Variants in BABAM1 observed in about 807,000 individuals in gnomAD.
The protein encoded by BABAM1 is BRISC and BRCA1-A complex member 1.
A neutral mutation model predicts 34.4 loss-of-function variants in BABAM1; 14 were observed. The observed-to-expected ratio is 0.41, with a 90% CI of 0.27 to 0.64. BABAM1 has a LOEUF of 0.64. Among genes scored for constraint, BABAM1 ranks in the 30% least tolerant of loss-of-function variants. The probability of loss-of-function intolerance (pLI) is 0.34; values close to 1 mark genes in which losing one functional copy is unlikely to be tolerated. For missense variants in BABAM1, 393 were observed against 434.0 expected (o/e 0.91, Z 0.84); for synonymous variants, 169 against 165.8 (o/e 1.02, Z -0.15).
chr19:17,279,135 G>A lies in BABAM1; in HGVS notation c.*87G>A, dbSNP rs540433739. ...TCAAACTGGGTTCCTTGGGACCTCC[G>A]GGGTGGGGGGGTTCCAGGAGGCACG... On this transcript the variant is annotated 3_prime_UTR_variant, in exon 9 of 9. Transcript: ENST00000598188. 6.1e-5 allele frequency: 86 copies of A among 1,399,634 alleles called. No homozygotes were observed. Among genetic ancestry groups the A allele is most frequent in the East Asian group, 1.3e-4 (5 of 39,926 alleles). The allele number at this position is 1,399,634 out of a possible 1,614,324, so 86.7% of individuals were successfully genotyped here.
chr19:17,270,611 C>T (rs1028241276), intron 2 of BABAM1, among the ~76,000 whole-genome samples: 33 of 150,544 alleles, frequency 2.2e-4, no homozygotes, highest in African/African-American at 7.6e-4. Context: ...CTGCAACCTC[C>T]GGCTCCCTGG....
chr19:17,272,043 C>A (rs1021520357), intron 3 of BABAM1, among the ~76,000 whole-genome samples: 4 of 152,154 alleles, frequency 2.6e-5, no homozygotes, highest in African/African-American at 9.7e-5. Context: ...TGGGTTCAAG[C>A]CATTCTTGTG....
At chr19:17,272,022 C>A (rs889576830) in intron 3 of BABAM1, among the ~76,000 whole-genome samples, 10 of 152,118 alleles carry the variant, frequency 6.6e-5, no homozygotes, top group African/African-American at 2.4e-4. Context: ...CTCACTGCAA[C>A]CCCTGCCTCC....
chr19:17,273,923 A>G lies in BABAM1; in HGVS notation c.364A>G (p.Asn122Asp). 1.2e-6 allele frequency: 2 copies of G among 1,613,034 alleles called. No individual in the cohort carries two copies. Among genetic ancestry groups the G allele is most frequent in the Non-Finnish European group, 1.7e-6 (2 of 1,179,574 alleles). ...SFNGSKTNALNVSQKMIEMFV... is the reference protein window; with the variant it reads ...SFNGSKTNALDVSQKMIEMFV... ...CCCCAGCTCCAAAACCAACGCCCTC[A>G]ATGTCTCCCAGAAGATGATTGAGAT... The change falls in exon 4 of 9, where the codon AAT becomes GAT. Residue 122 changes from asparagine (N) to aspartate (D), a missense_variant. Asn to Asp is a conservative substitution (Grantham distance 23). Transcript: ENST00000598188.
intron 8 of BABAM1, among the ~76,000 whole-genome samples, chr19:17,277,810 T>TG (rs1053953610): frequency 2.0e-5 from 3 of 151,362 alleles, no homozygotes; most frequent in African/African-American, 7.3e-5. Flanking sequence ...GCTCGAAAGG[T>TG]GGAGATTGTA....
chr19:17,271,777 C>G, intron 3 of BABAM1, 122 bp downstream of exon 3: 1 of 1,122,092 alleles, frequency 8.9e-7, no homozygotes, highest in Non-Finnish European at 1.3e-6. Flanking sequence ...TTGGCAGTAT[C>G]AGAGATTAGC....
intron 5 of BABAM1, among the ~76,000 whole-genome samples, chr19:17,274,866 C>T (rs1014483200): frequency 3.4e-5 from 2 of 59,406 alleles, no homozygotes; most frequent in African/African-American, 1.4e-4. Flanking sequence ...ACACCCCTGG[C>T]TCTTTTCATT....
intron 1 of BABAM1, among the ~76,000 whole-genome samples, chr19:17,268,291 A>G (rs2073792724): frequency 6.6e-6 from 1 of 151,806 alleles, no homozygotes; most frequent in Non-Finnish European, 1.5e-5. Context: ...GGGGACTGTT[A>G]TCTTATGTCG....
At position 17,269,146 on chromosome 19, in the gene BABAM1, T is replaced by A. The variant is rs1205203122; in HGVS notation, c.285+55T>A. 4 of 1,486,120 alleles carry A rather than the reference T, an allele frequency of 2.7e-6. No homozygotes were observed. In the East Asian group the frequency reaches 9.4e-5, roughly 35 times the overall value. 92.1% of individuals were successfully genotyped at this position (1,486,120 alleles called of 1,614,324 possible). On this transcript the variant is annotated intron_variant, in intron 2 of 8. Coordinates refer to ENST00000598188, the MANE Select transcript of BABAM1 (RefSeq NM_014173.4). ...AGATGCTAGGGAACCTAGCATCTTG[T>A]CTTTTGGGATTAACACTGCAAACAT...
In BABAM1 at chr19:17,276,489, A is replaced by G. The variant is rs1473132903; in HGVS notation, c.570-6A>G. 6.3e-7 allele frequency: 1 copy of G among 1,590,078 alleles called. No homozygotes were observed. The highest frequency in any genetic ancestry group is 8.6e-7 in the Non-Finnish European group (1 of 1,169,060). ...CTCTGACTGCTCCCTCCTCCCGGGT[A>G]TGCAGCCAGCAGAAAACTGAGCTTC... On this transcript the variant is annotated splice_region_variant and splice_polypyrimidine_tract_variant and intron_variant, in intron 6 of 8. Coordinates refer to ENST00000598188, the MANE Select transcript of BABAM1 (RefSeq NM_014173.4).
intron 7 of BABAM1, 28 bp downstream of exon 7, chr19:17,276,652 T>C: frequency 6.3e-7 from 1 of 1,587,634 alleles, no homozygotes; most frequent in Admixed American, 1.8e-5. Flanking sequence ...GAGGGAGGGG[T>C]GCCTGCAGCC....
intron 3 of BABAM1, among the ~76,000 whole-genome samples, chr19:17,272,643 T>G (rs1048083447): frequency 4.6e-5 from 7 of 151,568 alleles, no homozygotes; most frequent in African/African-American, 1.7e-4. Flanking sequence ...CCTGACCTCA[T>G]GATCCGCCTG....
intron 2 of BABAM1, among the ~76,000 whole-genome samples, chr19:17,270,548 A>T: frequency 7.8e-6 from 1 of 127,412 alleles, no homozygotes; most frequent in Admixed American, 8.3e-5. Context: ...TTTTTTTGAG[A>T]CGGAGTCCCG....
In BABAM1 at chr19:17,274,119, A is replaced by G; in HGVS notation, c.478A>G (p.Thr160Ala). ...TGCTTCCCTGCAGCTGTCTGGCCTG[A>G]CCTCCGACCCCCGCGAGCTCTGTAG... ...NDDTAWLSGL[T>A]SDPRELCSCL... Residue 160 changes from threonine (T) to alanine (A), a missense_variant, in exon 5 of 9, where the codon ACC becomes GCC. Physicochemically the swap from Thr to Ala is moderately conservative, Grantham distance 58 (BLOSUM62 0). Coordinates refer to ENST00000598188, the MANE Select transcript of BABAM1 (RefSeq NM_014173.4). 3 of 1,613,300 alleles carry G rather than the reference A, an allele frequency of 1.9e-6. No individual in the cohort carries two copies. In the South Asian group the frequency reaches 3.3e-5, roughly 18 times the overall value.
Position 17,276,575 on chromosome 19 carries a change from A to G in BABAM1, c.650A>G (p.Tyr217Cys). ...TATGTGGTCCGCACCATCCTTGTCTACAGCCGTCCACCTTGCCAGCCCCAG... is the reference window on the plus strand; with the variant it reads ...TATGTGGTCCGCACCATCCTTGTCTGCAGCCGTCCACCTTGCCAGCCCCAG... ...PPYVVRTILV[Y>C]SRPPCQPQFS... Residue 217 changes from tyrosine (Y) to cysteine (C), a missense_variant, in exon 7 of 9, where the codon TAC becomes TGC. By Grantham distance (194) the Tyr-to-Cys change is radical. Transcript: ENST00000598188. 6.2e-7 allele frequency: 1 copy of G among 1,606,258 alleles called. No homozygotes were observed. Among genetic ancestry groups the G allele is most frequent in the South Asian group, 1.1e-5 (1 of 89,192 alleles).
chr19:17,276,941 C>T (rs773111639), intron 8 of BABAM1, 32 bp downstream of exon 8: 6 of 1,550,638 alleles, frequency 3.9e-6, no homozygotes, highest in African/African-American at 2.7e-5. Flanking sequence ...GAGTAGCAGG[C>T]GGGTGTGGAC....
At chr19:17,276,700 C>T (rs1391426325) in intron 7 of BABAM1, 76 bp downstream of exon 7, 22 of 1,560,382 alleles carry the variant, frequency 1.4e-5, no homozygotes, top group Non-Finnish European at 1.8e-5. Context: ...GGACTTCCAA[C>T]CACAGAGGCT....
chr19:17,271,870 C>T lies in BABAM1; in HGVS notation c.344+215C>T, dbSNP rs149424753. ...GGAGGATCACTTGAGGCTAGGGGTT[C>T]GAGACTAGTCTGGGCAACATGGACC... is the stretch of plus-strand genomic sequence containing the variant. On this transcript the variant is annotated intron_variant, in intron 3 of 8. Transcript: ENST00000598188. 4.8e-4 allele frequency among the ~76,000 whole-genome samples: 73 copies of T among 151,938 alleles called. No homozygotes were observed. In the East Asian group the frequency reaches 0.013, roughly 27 times the overall value.
At chr19:17,277,202 CTT>C (rs10532887) in intron 8 of BABAM1, 111,275 of 176,770 alleles carry the variant, frequency 0.63, 31,770 homozygotes, top group Non-Finnish European at 0.67. Context: ...CTTTCTTCTT[CTT>C]TTTTTTTTTT....
Sources: allele counts gnomAD v4.1 joint callset (sites outside exome capture counted in the v4.1 genomes callset), GRCh38; gene constraint gnomAD v4.1.1; transcripts MANE v1.5; gene names NCBI Gene and HGNC (gene_info 2026-07-23, HGNC 2026-07-21).